RFX7: variants seen among roughly 807,000 people sequenced by gnomAD.
RFX7 encodes regulatory factor X7.
Under a neutral mutation model 111.8 loss-of-function variants are expected in RFX7, and 26 were observed. That is an observed-to-expected ratio of 0.23 (90% CI 0.17 to 0.32). The LOEUF (loss-of-function observed/expected upper bound fraction) is 0.32. RFX7 is among the 10% of genes least tolerant of loss of function. The pLI, the probability that RFX7 is intolerant of heterozygous loss-of-function variation, is 1.00. For synonymous variants in RFX7, 624 were observed against 624.4 expected, an observed-to-expected ratio of 1.00 and a Z score of 0.01; for missense variants, 1,573 against 1,772.9, an observed-to-expected ratio of 0.89 and a Z score of 2.02.
At chr15:56,162,197 T>C (rs1246864581) in intron 3 of RFX7, among the ~76,000 whole-genome samples, 1 of 152,096 alleles carries the variant, frequency 6.6e-6, no homozygotes, top group Non-Finnish European at 1.5e-5. Flanking sequence ...ACTGGATTTC[T>C]ACTGGATTCT....
chr15:56,178,178 C>CACACACAT (rs2042923876), intron 3 of RFX7, among the ~76,000 whole-genome samples: 1 of 137,188 alleles, frequency 7.3e-6, no homozygotes, highest in Non-Finnish European at 1.6e-5. Flanking sequence ...CACACACACA[C>CACACACAT]ACACACACAC....
At chr15:56,149,670 C>G (rs750032391) in intron 3 of RFX7, among the ~76,000 whole-genome samples, 3 of 152,214 alleles carry the variant, frequency 2.0e-5, no homozygotes, top group African/African-American at 7.2e-5. Flanking sequence ...AGCACAGACA[C>G]TGCGCTTGTC....
chr15:56,243,400 A>T, intron 1 of RFX7, 45 bp downstream of exon 1: 1 of 915,332 alleles, frequency 1.1e-6, no homozygotes, highest in South Asian at 1.9e-5. Flanking sequence ...GGGGAGGGGA[A>T]GAGGAGGAGG....
intron 5 of RFX7, among the ~76,000 whole-genome samples, chr15:56,112,116 GAA>G (rs754438474): frequency 1.6e-4 from 15 of 95,722 alleles, no homozygotes; most frequent in Admixed American, 3.2e-4. Context: ...CTTTGCCCCA[GAA>G]AAAAAAAAAA....
At chr15:56,164,002 G>C (rs2042754763) in intron 3 of RFX7, among the ~76,000 whole-genome samples, 1 of 152,148 alleles carries the variant, frequency 6.6e-6, no homozygotes, top group Non-Finnish European at 1.5e-5. Context: ...ACATAGGTAA[G>C]AAAAATCTGA....
Position 56,140,065 on chromosome 15 carries a change from TTTTG to T in RFX7, c.401+2709_401+2712del, listed in dbSNP as rs1457294778. Among the ~76,000 whole-genome samples, 5 of 152,212 alleles carry T rather than the reference TTTTG, an allele frequency of 3.3e-5. No homozygotes were observed. In the East Asian group the frequency reaches 5.8e-4, roughly 18 times the overall value. ...AAGTCTGCAGAGGTTACTGCTGTCT[TTTTG>T]TTTGTCTGTGCCCTGCCCCCAGAGG... On this transcript the variant is annotated intron_variant, in intron 5 of 9. Transcript: ENST00000559447.
intron 2 of RFX7, among the ~76,000 whole-genome samples, chr15:56,240,614 C>CA (rs1393768759): frequency 6.6e-6 from 1 of 152,070 alleles, no homozygotes; most frequent in East Asian, 1.9e-4. Flanking sequence ...TTGTGATATG[C>CA]AAGCCCAGTA....
chr15:56,090,681 G>A lies in RFX7; in HGVS notation c.*2664C>T, dbSNP rs1303507001. On this transcript the variant is annotated 3_prime_UTR_variant, in exon 10 of 10. Coordinates refer to ENST00000559447, the MANE Select transcript of RFX7 (RefSeq NM_022841.7). ...GTACAACAGACAACAAAACACTGGG[G>A]AAATCTGACTTTTTGCACTAAATGA... The A allele has an allele frequency of 6.6e-5, 10 of 152,498 alleles. No homozygotes were observed. The allele number at this position is 152,498 out of a possible 1,614,324, so 9.4% of individuals were successfully genotyped here.
chr15:56,205,957 T>C (rs1348763580), intron 2 of RFX7, among the ~76,000 whole-genome samples: 1 of 152,194 alleles, frequency 6.6e-6, no homozygotes, highest in Non-Finnish European at 1.5e-5. Flanking sequence ...TTAGTAAAGA[T>C]GTGAAGAAAG....
chr15:56,106,271 C>T (rs1196499891), intron 5 of RFX7, among the ~76,000 whole-genome samples: 2 of 152,150 alleles, frequency 1.3e-5, no homozygotes, highest in African/African-American at 4.8e-5. Flanking sequence ...GATACTTATT[C>T]TACCTCTTGG....
chr15:56,111,674 A>AC (rs1204575040), intron 5 of RFX7, among the ~76,000 whole-genome samples: 6 of 150,846 alleles, frequency 4.0e-5, no homozygotes, highest in South Asian at 2.1e-4. Flanking sequence ...AAAAAAAAAA[A>AC]AAAAAACCAA....
chr15:56,199,205 G>A (rs1168168364), intron 2 of RFX7, among the ~76,000 whole-genome samples: 2 of 152,178 alleles, frequency 1.3e-5, no homozygotes, highest in African/African-American at 4.8e-5. Context: ...AGTCTACTGA[G>A]TGACTGTTAA....
intron 5 of RFX7, among the ~76,000 whole-genome samples, chr15:56,124,203 A>G (rs1440646543): frequency 1.3e-5 from 2 of 152,144 alleles, no homozygotes; most frequent in Non-Finnish European, 2.9e-5. Flanking sequence ...CAGGCGGATC[A>G]CAAGGTCAGG....
intron 3 of RFX7, among the ~76,000 whole-genome samples, chr15:56,159,180 C>G (rs1053373773): frequency 1.3e-5 from 2 of 152,180 alleles, no homozygotes; most frequent in Admixed American, 6.5e-5. Flanking sequence ...AAGTTCCCCC[C>G]TTTTAAGGCT....
chr15:56,182,223 A>G (rs1242643530), intron 2 of RFX7, among the ~76,000 whole-genome samples: 2 of 151,948 alleles, frequency 1.3e-5, no homozygotes, highest in African/African-American at 2.4e-5. Flanking sequence ...CCACCCCTCC[A>G]TCTGTGGGAA....
rs990985897 is a variant in RFX7 at position 56,093,297 on chromosome 15, A to G, written c.*48T>C. The G allele has an allele frequency of 1.3e-5, 19 of 1,462,196 alleles. No homozygotes were observed. Among genetic ancestry groups the G allele is most frequent in the Admixed American group, 2.2e-5 (1 of 46,372 alleles). 90.6% of individuals were successfully genotyped at this position (1,462,196 alleles called of 1,614,324 possible). On this transcript the variant is annotated 3_prime_UTR_variant, in exon 10 of 10. Coordinates refer to ENST00000559447, the MANE Select transcript of RFX7 (RefSeq NM_022841.7). Reference sequence around the variant, plus strand: ...GAGGCACTTCCATTAAGACAAATACAATACATATGTCTTTAGATACAGTGT... The same window carrying G: ...GAGGCACTTCCATTAAGACAAATACGATACATATGTCTTTAGATACAGTGT...
intron 2 of RFX7, among the ~76,000 whole-genome samples, chr15:56,236,559 G>A (rs1212531474): frequency 6.6e-6 from 1 of 152,130 alleles, no homozygotes; most frequent in East Asian, 1.9e-4. Flanking sequence ...TTACTATCAT[G>A]TTCCTTATAA....
chr15:56,100,620 A>G (rs1248763516), intron 8 of RFX7, among the ~76,000 whole-genome samples: 8 of 152,234 alleles, frequency 5.3e-5, no homozygotes, highest in Non-Finnish European at 1.2e-4. Context: ...TGATCACTAT[A>G]TCACTACATT....
chr15:56,096,011 T>C lies in RFX7; in HGVS notation c.1717A>G (p.Ser573Gly), dbSNP rs2041671432. Reference sequence around the variant, plus strand: ...TTCTGCAGTGCTCCGTCTGTATTACTTTTCTGCCCCAAAAGGGCACTAGGT... The same window carrying C: ...TTCTGCAGTGCTCCGTCTGTATTACCTTTCTGCCCCAAAAGGGCACTAGGT... ...QTPSALLGQKSNTDGALQKPS... is the reference protein window; with the variant it reads ...QTPSALLGQKGNTDGALQKPS... The change falls in exon 10 of 10, where the codon AGT becomes GGT. Residue 573 changes from serine (S) to glycine (G), a missense_variant. Transcript: ENST00000559447. 8.1e-6 allele frequency: 13 copies of C among 1,612,818 alleles called. No homozygotes were observed. The highest frequency in any genetic ancestry group is 1.3e-5 in the African/African-American group (1 of 74,904).
Sources: gnomAD v4.1 joint callset for allele counts (sites outside exome capture counted in the v4.1 genomes callset) on GRCh38, gnomAD v4.1.1 for gene constraint, MANE v1.5 for transcripts, NCBI Gene and HGNC (gene_info 2026-07-23, HGNC 2026-07-21) for gene names.